GPC4: variants seen among roughly 807,000 people sequenced by gnomAD.
GPC4 encodes the protein glypican-4.
Under a neutral mutation model 35.0 loss-of-function variants are expected in GPC4, and 10 were observed. The ratio of observed to expected loss-of-function variants is 0.29; its 90% CI spans 0.18 to 0.48. The LOEUF (loss-of-function observed/expected upper bound fraction) is 0.48, where lower values mean the gene tolerates loss of function less well. Among genes scored for constraint, GPC4 ranks in the 20% least tolerant of loss-of-function variants. The pLI is 0.99. For missense variants in GPC4, 322 were observed against 451.3 expected, an observed-to-expected ratio of 0.71 and a Z score of 2.60; for synonymous variants, 167 against 170.2, an observed-to-expected ratio of 0.98 and a Z score of 0.15.
intron 1 of GPC4, among the ~76,000 whole-genome samples, chrX:133,410,994 G>A (rs1921944811): frequency 8.9e-6 from 1 of 112,051 alleles, no homozygotes; most frequent in Non-Finnish European, 1.9e-5. Context: ...ATTACTTACG[G>A]TGGGGAAGGC....
intron 1 of GPC4, among the ~76,000 whole-genome samples, chrX:133,392,417 C>T (rs1406118520): frequency 9.5e-6 from 1 of 105,663 alleles, no homozygotes; most frequent in African/African-American, 3.5e-5. Flanking sequence ...ACCACACTGG[C>T]GTGGACCCTG....
chrX:133,300,165 T>G lies in GPC4; in HGVS notation c.*2702A>C, dbSNP rs765411863. 4.2e-4 allele frequency: 47 copies of G among 112,808 alleles called. No individual in the cohort carries two copies. Among genetic ancestry groups the G allele is most frequent in the Middle Eastern group, 4.6e-3 (1 of 216 alleles). The allele number at this position is 112,808 out of a possible 1,213,427, so 9.3% of individuals were successfully genotyped here. ...ATCACAAATGACAATTTTTACTTCA[T>G]GTGAACTGTTAGGTTTTGAACACTC... On this transcript the variant is annotated 3_prime_UTR_variant, in exon 9 of 9. Coordinates refer to ENST00000370828, the MANE Select transcript of GPC4 (RefSeq NM_001448.3).
Position 133,414,985 on chromosome X carries a change from G to A in GPC4, c.-20C>T, listed in dbSNP as rs2073288. On this transcript the variant is annotated 5_prime_UTR_variant, in exon 1 of 9. Coordinates refer to ENST00000370828, the MANE Select transcript of GPC4 (RefSeq NM_001448.3). ...TGCCATGGTGCGGGCCGGGGCGGACGCGTTCCCACCTTTGGGACCGGACGG... is the reference window on the plus strand; with the variant it reads ...TGCCATGGTGCGGGCCGGGGCGGACACGTTCCCACCTTTGGGACCGGACGG... 408,679 of 1,200,020 alleles carry A rather than the reference G, an allele frequency of 0.34. 50,260 individuals are homozygous for A. Among genetic ancestry groups the A allele is most frequent in the African/African-American group, 0.67 (38,131 of 56,944 alleles).
At chrX:133,406,551 C>A (rs2068788359) in intron 1 of GPC4, among the ~76,000 whole-genome samples, 1 of 108,470 alleles carries the variant, frequency 9.2e-6, no homozygotes, top group African/African-American at 3.4e-5. Flanking sequence ...AGTTCGAGAC[C>A]AGCCTGGCCA....
chrX:133,369,357 C>T (rs2068603017), intron 1 of GPC4, among the ~76,000 whole-genome samples: 1 of 111,794 alleles, frequency 8.9e-6, no homozygotes, highest in Non-Finnish European at 1.9e-5. Flanking sequence ...TCCCCCAGAA[C>T]AATTGTCGCT....
intron 1 of GPC4, among the ~76,000 whole-genome samples, chrX:133,406,525 G>A (rs1310315973): frequency 9.1e-6 from 1 of 110,442 alleles, no homozygotes; most frequent in Non-Finnish European, 1.9e-5. Flanking sequence ...CGAGGCGGGC[G>A]GATCACGAGG....
intron 1 of GPC4, among the ~76,000 whole-genome samples, chrX:133,392,891 C>T (rs999668583): frequency 9.0e-6 from 1 of 110,646 alleles, no homozygotes; most frequent in Admixed American, 9.7e-5. Context: ...TTCCAGGACC[C>T]GTTGAAAGAT....
chrX:133,323,504 A>C (rs2068376316), intron 3 of GPC4, among the ~76,000 whole-genome samples: 1 of 112,078 alleles, frequency 8.9e-6, no homozygotes, highest in Admixed American at 9.4e-5. Flanking sequence ...AAAAGAACAC[A>C]GTCTATCTAG....
chrX:133,322,094 C>T (rs2124118389), intron 3 of GPC4, among the ~76,000 whole-genome samples: 1 of 111,581 alleles, frequency 9.0e-6, no homozygotes, highest in African/African-American at 3.3e-5. Context: ...TTCTCTCCAA[C>T]TAGAGTGACC....
intron 1 of GPC4, among the ~76,000 whole-genome samples, chrX:133,368,930 G>A (rs1312698462): frequency 1.8e-5 from 2 of 111,358 alleles, no homozygotes; most frequent in African/African-American, 6.5e-5. Flanking sequence ...ACAGACCTGA[G>A]CCACCACGCC....
intron 1 of GPC4, among the ~76,000 whole-genome samples, chrX:133,347,257 T>TTG (rs1569347731): frequency 3.4e-5 from 3 of 88,860 alleles, no homozygotes; most frequent in African/African-American, 4.4e-5. Context: ...AGTTTTTTTT[T>TTG]TTTTTTTTTT....
intron 1 of GPC4, among the ~76,000 whole-genome samples, chrX:133,387,618 G>A (rs994926680): frequency 2.7e-5 from 3 of 111,833 alleles, no homozygotes; most frequent in Non-Finnish European, 3.8e-5. Flanking sequence ...TTCCTGAAAG[G>A]TTTAGGAATA....
rs1395407469 is a variant in GPC4, at chrX:133,304,726, T to C, written c.1291A>G (p.Arg431Gly). The C allele has an allele frequency of 2.5e-6, 3 of 1,209,912 alleles. No homozygotes were observed. The highest frequency in any genetic ancestry group is 3.5e-5 in the African/African-American group (2 of 57,205). The stretch of plus-strand genomic sequence containing the variant: ...CAAATTCATTCAACAGACACTAACC[T>C]GCTTTTGCCTTTCCCATTCCAACAG... ...DDCWNGKGKSRYLFAVTGNGL... is the reference protein window; with the variant it reads ...DDCWNGKGKSGYLFAVTGNGL... Residue 431 changes from arginine to glycine, a missense_variant and splice_region_variant, in exon 7 of 9, where the codon AGG (arginine) becomes GGG (glycine). Physicochemically the swap from Arg to Gly is moderately radical, Grantham distance 125. Around this residue, in one of 3 missense-constraint regions of GPC4, gnomAD observed 99 missense variants for 110.0 expected, o/e 0.90. Coordinates refer to ENST00000370828, the MANE Select transcript of GPC4 (RefSeq NM_001448.3).
At chrX:133,396,638 C>T (rs2068744307) in intron 1 of GPC4, among the ~76,000 whole-genome samples, 1 of 111,801 alleles carries the variant, frequency 8.9e-6, no homozygotes, top group Non-Finnish European at 1.9e-5. Flanking sequence ...CCTGTCCTAA[C>T]AGCCGAGTTG....
At chrX:133,305,972 CG>C in intron 5 of GPC4, 51 bp downstream of exon 5, 1 of 1,209,710 alleles carries the variant, frequency 8.3e-7, no homozygotes. Context: ...AGGCGGGAGG[CG>C]GAGGCGGGGG....
In GPC4 at chrX:133,324,482, A is replaced by G. The variant is rs1483316727; in HGVS notation, c.374T>C (p.Val125Ala). 8.4e-7 allele frequency: 1 copy of G among 1,184,726 alleles called. No individual in the cohort carries two copies. Among genetic ancestry groups the G allele is most frequent in the Non-Finnish European group, 1.1e-6 (1 of 881,649 alleles). ...NAEKSLNDMF[V>A]KTYGHLYMQN... is the part of the protein sequence containing the mutation. ...CATGTATAAATGGCCATATGTCTTC[A>G]CAAACATATCATTCAGGGATTTCTC... The change falls in exon 3 of 9, where the codon GTG becomes GCG. Residue 125 changes from valine (V) to alanine (A), a missense_variant. By Grantham distance (64) the Val-to-Ala change is moderately conservative. Around this residue, in one of 3 missense-constraint regions of GPC4, gnomAD observed 163 missense variants for 277.2 expected, o/e 0.59. Transcript: ENST00000370828.
In GPC4 at chrX:133,304,736, T is replaced by C. The variant is rs755420552; in HGVS notation, c.1281A>G (p.Lys427=). The C allele has an allele frequency of 1.3e-4, 152 of 1,210,003 alleles. No homozygotes were observed. Among genetic ancestry groups the C allele is most frequent in the Middle Eastern group, 9.1e-4 (4 of 4,375 alleles). ...NGNEDDCWNG[K]GKSRYLFAVT... ...CAACAGACACTAACCTGCTTTTGCC[T>C]TTCCCATTCCAACAGTCATCCTCAT... The change falls in exon 7 of 9, where the codon AAA becomes AAG. Residue 427 remains lysine, a synonymous_variant. Coordinates refer to ENST00000370828, the MANE Select transcript of GPC4 (RefSeq NM_001448.3).
intron 2 of GPC4, among the ~76,000 whole-genome samples, chrX:133,335,990 C>T (rs368896080): frequency 1.3e-4 from 15 of 111,499 alleles, no homozygotes; most frequent in African/African-American, 4.6e-4. Flanking sequence ...ATGTCCCCAG[C>T]TGTCTCTGTG....
At chrX:133,367,337 T>C (rs1264108274) in intron 1 of GPC4, among the ~76,000 whole-genome samples, 2 of 112,299 alleles carry the variant, frequency 1.8e-5, no homozygotes, top group African/African-American at 6.5e-5. Flanking sequence ...GCGATGTATA[T>C]GTAACCTGCT....
Sources: allele counts gnomAD v4.1 joint callset (sites outside exome capture counted in the v4.1 genomes callset), GRCh38; gene constraint gnomAD v4.1.1; regional missense constraint gnomAD v4.1.1; transcripts MANE v1.5; gene names NCBI Gene and HGNC (gene_info 2026-07-23, HGNC 2026-07-21).